Variants in DDX11 observed in about 807,000 individuals in gnomAD.
The protein encoded by DDX11 is ATP-dependent DNA helicase DDX11.
Under a neutral mutation model 125.2 loss-of-function variants are expected in DDX11, and 72 were observed. That is an observed-to-expected ratio of 0.58 (90% CI 0.48 to 0.70). The LOEUF is 0.70. Among genes scored for constraint, DDX11 ranks in the 30% least tolerant of loss-of-function variants. DDX11 has a pLI of 0.00. For missense variants in DDX11, 883 were observed against 1,165.0 expected (o/e 0.76, Z 3.52); for synonymous variants, 347 against 452.6 (o/e 0.77, Z 2.96).
rs763625229 is a variant in DDX11, at chr12:31,097,998, G to T, written c.1875+1G>T. On this transcript the variant is annotated splice_donor_variant, in intron 18 of 26. Coordinates refer to ENST00000542838, the MANE Select transcript of DDX11 (RefSeq NM_030653.4). LOFTEE classifies it high-confidence loss of function. Reference sequence around the variant, plus strand: ...CATTGCGGGGGGTACCATGCAGCCGGTAAGGACACCTTTCCCAGCCCCTCG... The same window carrying T: ...CATTGCGGGGGGTACCATGCAGCCGTTAAGGACACCTTTCCCAGCCCCTCG... 1 of 1,612,774 alleles carries T rather than the reference G, an allele frequency of 6.2e-7. No individual in the cohort carries two copies. Among genetic ancestry groups the T allele is most frequent in the East Asian group, 2.2e-5 (1 of 44,824 alleles).
In DDX11 at chr12:31,089,452, T is replaced by C; in HGVS notation, c.842T>C (p.Ile281Thr). 3.7e-6 allele frequency: 6 copies of C among 1,613,986 alleles called. No homozygotes were observed. The highest frequency in any genetic ancestry group is 5.1e-6 in the Non-Finnish European group (6 of 1,179,862). ...DVKSLGSVQL[I>T]NDRCVDMQRS... is the part of the protein sequence containing the mutation. ...AAAAGCCTAGGTTCTGTGCAGCTTA[T>C]CAACGACCGCTGTGTGGACATGCAG... The change falls in exon 8 of 27, where the codon ATC (isoleucine) becomes ACC (threonine). Residue 281 changes from isoleucine (I) to threonine (T), a missense_variant. By Grantham distance (89) the Ile-to-Thr change is moderately conservative (BLOSUM62 -1). Around this residue, in one of 5 missense-constraint regions of DDX11, gnomAD observed 283 missense variants for 359.6 expected, o/e 0.79. Transcript: ENST00000542838.
At chr12:31,088,544 T>G (rs2140668834) in intron 6 of DDX11, among the ~76,000 whole-genome samples, 1 of 152,218 alleles carries the variant, frequency 6.6e-6, no homozygotes, top group Non-Finnish European at 1.5e-5. Flanking sequence ...TTTCATTGAT[T>G]TATGACTTGT....
At position 31,076,322 on chromosome 12, in the gene DDX11, G is replaced by A. The variant is rs575189639; in HGVS notation, c.-4-2068G>A. ...GGCTGAGCAGGAGAGTGAACCCCGT[G>A]GGTGTGTGTTTGCTGGTGACGTTCC... On this transcript the variant is annotated intron_variant, in intron 1 of 26. Transcript: ENST00000542838. Among the ~76,000 whole-genome samples, 3 of 152,290 alleles carry A rather than the reference G, an allele frequency of 2.0e-5. No homozygotes were observed. In the East Asian group the frequency reaches 5.8e-4, roughly 29 times the overall value.
chr12:31,083,740 A>T (rs1455807843), intron 2 of DDX11, 73 bp from the exon 3 acceptor site: 25 of 1,542,806 alleles, frequency 1.6e-5, no homozygotes, highest in Non-Finnish European at 2.1e-5. Flanking sequence ...TCAAGCTTTT[A>T]TTAAAATGGG....
At position 31,104,179 on chromosome 12, in the gene DDX11, A is replaced by G; in HGVS notation, c.*343A>G. On this transcript the variant is annotated 3_prime_UTR_variant, in exon 27 of 27. Transcript: ENST00000542838. Reference sequence around the variant, plus strand: ...TGGCAGCTGTGGCATCCACTGTGGCATCTCCGTCCTGCCCACCTTCTTAAG... The same window carrying G: ...TGGCAGCTGTGGCATCCACTGTGGCGTCTCCGTCCTGCCCACCTTCTTAAG... 1 of 1,356,100 alleles carries G rather than the reference A, an allele frequency of 7.4e-7. No individual in the cohort carries two copies. The highest frequency in any genetic ancestry group is 9.8e-7 in the Non-Finnish European group (1 of 1,020,810). The allele number at this position is 1,356,100 out of a possible 1,614,324, so 84.0% of individuals were successfully genotyped here.
In DDX11 at chr12:31,091,847, C is replaced by T; in HGVS notation, c.1218C>T (p.His406=). 1 of 1,613,956 alleles carries T rather than the reference C, an allele frequency of 6.2e-7. No individual in the cohort carries two copies. Among genetic ancestry groups the T allele is most frequent in the Non-Finnish European group, 8.5e-7 (1 of 1,179,864 alleles). Residue 406 remains histidine, a synonymous_variant, in exon 10 of 27, where the codon CAC becomes CAT. Coordinates refer to ENST00000542838, the MANE Select transcript of DDX11 (RefSeq NM_030653.4). ...HNLIDTITGM[H]SVEVSGSQLC... is the part of the protein sequence containing the mutation. ...TGATCGACACCATCACGGGCATGCA[C>T]AGCGTGGAGGTCAGCGGCTCCCAGG... is the stretch of plus-strand genomic sequence containing the variant.
At position 31,096,321 on chromosome 12, in the gene DDX11, G is replaced by A. The variant is rs772125786; in HGVS notation, c.1483-20G>A. The A allele has an allele frequency of 4.5e-6, 7 of 1,563,892 alleles. No homozygotes were observed. In the African/African-American group the frequency reaches 9.7e-5, roughly 22 times the overall value. On this transcript the variant is annotated intron_variant, in intron 14 of 26. Coordinates refer to ENST00000542838, the MANE Select transcript of DDX11 (RefSeq NM_030653.4). ...TGCTCAGTTTGCACTCATGCCTACA[G>A]CTGGGCTTGGTTTTTGCAGGTGCAG...
Position 31,096,652 on chromosome 12 carries a change from G to A in DDX11, c.1537G>A (p.Glu513Lys). ...MISRKLFGFTERYGAVFSSRE... is the reference protein window; with the variant it reads ...MISRKLFGFTKRYGAVFSSRE... Reference sequence around the variant, plus strand: ...TCCCACCCAGCTCTTTGGATTCACTGAACGGTACGGAGCAGTGTTCTCATC... The same window carrying A: ...TCCCACCCAGCTCTTTGGATTCACTAAACGGTACGGAGCAGTGTTCTCATC... The change falls in exon 16 of 27, where the codon GAA becomes AAA. Residue 513 changes from glutamate (E) to lysine (K), a missense_variant. This residue lies in a region of DDX11 where 241 missense variants were observed against 279.7 expected (regional missense o/e 0.86). Coordinates refer to ENST00000542838, the MANE Select transcript of DDX11 (RefSeq NM_030653.4). 6.2e-7 allele frequency: 1 copy of A among 1,613,636 alleles called. No homozygotes were observed. The highest frequency in any genetic ancestry group is 2.2e-5 in the East Asian group (1 of 44,880).
chr12:31,075,697 T>C (rs1465657900), intron 1 of DDX11, among the ~76,000 whole-genome samples: 1 of 152,208 alleles, frequency 6.6e-6, no homozygotes, highest in Non-Finnish European at 1.5e-5. Flanking sequence ...GGCTACTCAT[T>C]CGTTCATCAG....
In DDX11 at chr12:31,101,726, G is replaced by A. The variant is rs1378587972; in HGVS notation, c.2053-107G>A. 2.6e-6 allele frequency: 4 copies of A among 1,517,426 alleles called. No homozygotes were observed. The South Asian group carries it at 3.4e-5, about 13-fold the overall frequency. The allele number at this position is 1,517,426 out of a possible 1,614,324, so 94.0% of individuals were successfully genotyped here. On this transcript the variant is annotated intron_variant, in intron 20 of 26. Transcript: ENST00000542838. ...AGTCCTCTTCCTTGGCTGTAGTCCT[G>A]CCGAGGGTCTCTCCTCAGTTTTGAG...
At chr12:31,088,972 T>C in intron 6 of DDX11, 72 bp from the exon 7 acceptor site, 5 of 1,239,766 alleles carry the variant, frequency 4.0e-6, no homozygotes, top group Non-Finnish European at 4.7e-6. Context: ...GGCCCTGGCG[T>C]GCCTTGATGT....
intron 2 of DDX11, among the ~76,000 whole-genome samples, chr12:31,082,540 G>A (rs1188027907): frequency 3.3e-5 from 5 of 152,018 alleles, no homozygotes; most frequent in East Asian, 1.9e-4. Flanking sequence ...GTTTCACCCC[G>A]CCCTGGATAC....
chr12:31,104,325 G>A lies in DDX11; in HGVS notation c.*489G>A, dbSNP rs1196421899. 2 of 405,760 alleles carry A rather than the reference G, an allele frequency of 4.9e-6. No individual in the cohort carries two copies. Among genetic ancestry groups the A allele is most frequent in the Non-Finnish European group, 8.8e-6 (2 of 228,062 alleles). 25.1% of individuals were successfully genotyped at this position (405,760 alleles called of 1,614,324 possible). On this transcript the variant is annotated 3_prime_UTR_variant, in exon 27 of 27. Coordinates refer to ENST00000542838, the MANE Select transcript of DDX11 (RefSeq NM_030653.4). ...CCATGGCCACAGGGCTCCTGCCCAGGGGCTTGTCACCTTCCCCTCCTCCTT... is the reference window on the plus strand; with the variant it reads ...CCATGGCCACAGGGCTCCTGCCCAGAGGCTTGTCACCTTCCCCTCCTCCTT...
chr12:31,090,643 T>C (rs559153676), intron 9 of DDX11, among the ~76,000 whole-genome samples: 1 of 152,398 alleles, frequency 6.6e-6, no homozygotes, highest in Admixed American at 6.5e-5. Flanking sequence ...AGATCAAAAG[T>C]AGTATCTCAC....
Position 31,103,896 on chromosome 12 carries a change from G to A in DDX11, c.*60G>A, listed in dbSNP as rs1231898866. On this transcript the variant is annotated 3_prime_UTR_variant, in exon 27 of 27. Transcript: ENST00000542838. ...TCCTTTGTCCTGCCCGCTGGAGACAGTGTTTGTCGTGGGCGTGGTCTGCGG... is the reference window on the plus strand; with the variant it reads ...TCCTTTGTCCTGCCCGCTGGAGACAATGTTTGTCGTGGGCGTGGTCTGCGG... The A allele has an allele frequency of 6.2e-7, 1 of 1,613,712 alleles. No homozygotes were observed. Among genetic ancestry groups the A allele is most frequent in the Admixed American group, 1.7e-5 (1 of 60,004 alleles).
intron 3 of DDX11, 143 bp downstream of exon 3, chr12:31,084,204 T>C (rs1942594990): frequency 1.6e-5 from 18 of 1,154,926 alleles, no homozygotes; most frequent in Non-Finnish European, 2.2e-5. Context: ...TCCTTGGGTC[T>C]ATGGTGCTGC....
intron 2 of DDX11, among the ~76,000 whole-genome samples, chr12:31,080,001 C>G (rs747678900): frequency 6.4e-5 from 9 of 141,116 alleles, no homozygotes; most frequent in Non-Finnish European, 1.2e-4. Context: ...GACAGACGGC[C>G]GCACCCACAC....
intron 2 of DDX11, among the ~76,000 whole-genome samples, chr12:31,083,396 G>A (rs961253877): frequency 4.0e-5 from 6 of 151,898 alleles, no homozygotes; most frequent in African/African-American, 1.2e-4. Context: ...CGAGCTGCAC[G>A]AAGGCCGCGC....
In DDX11 at chr12:31,092,780, A is replaced by G. The variant is rs1239060048; in HGVS notation, c.1243-66A>G. 52 of 1,505,688 alleles carry G rather than the reference A, an allele frequency of 3.5e-5. No homozygotes were observed. The Middle Eastern group carries it at 1.1e-3, about 32-fold the overall frequency. 93.3% of individuals were successfully genotyped at this position (1,505,688 alleles called of 1,614,324 possible). The stretch of plus-strand genomic sequence containing the variant: ...TCCAGGGCCAGCATCTTCTAGGTGA[A>G]TCTAAGATGTCAGTACCTTAGCCCT... On this transcript the variant is annotated intron_variant, in intron 10 of 26. Coordinates refer to ENST00000542838, the MANE Select transcript of DDX11 (RefSeq NM_030653.4).
Sources: allele counts gnomAD v4.1 joint callset (sites outside exome capture counted in the v4.1 genomes callset), GRCh38; gene constraint gnomAD v4.1.1; regional missense constraint gnomAD v4.1.1; transcripts MANE v1.5; gene names NCBI Gene and HGNC (gene_info 2026-07-23, HGNC 2026-07-21).